The following DOCK2 variants were observed in gnomAD, a reference collection of about 807,000 sequenced individuals.
The protein encoded by DOCK2 is dedicator of cytokinesis protein 2.
A neutral mutation model predicts 248.9 loss-of-function variants in DOCK2; 87 were observed. The ratio of observed to expected loss-of-function variants is 0.35; its 90% CI spans 0.29 to 0.42. The LOEUF (loss-of-function observed/expected upper bound fraction) is 0.42. DOCK2 is among the 10% of genes least tolerant of loss of function. The pLI is 1.00. For missense variants in DOCK2, 1,747 were observed against 2,300.2 expected (o/e 0.76, Z 4.92); for synonymous variants, 805 against 821.6 (o/e 0.98, Z 0.35).
At chr5:169,915,367 C>T (rs1456588997) in intron 27 of DOCK2, among the ~76,000 whole-genome samples, 1 of 152,016 alleles carries the variant, frequency 6.6e-6, no homozygotes, top group African/African-American at 2.4e-5. Flanking sequence ...TAATTGCAGG[C>T]TTATTGTGTT....
intron 27 of DOCK2, among the ~76,000 whole-genome samples, chr5:169,880,965 T>C (rs998297741): frequency 1.2e-4 from 18 of 152,166 alleles, no homozygotes; most frequent in African/African-American, 4.3e-4. Flanking sequence ...GAAGAGGCAG[T>C]GTGGTGGAAT....
intron 27 of DOCK2, among the ~76,000 whole-genome samples, chr5:169,929,083 A>T (rs1294561727): frequency 6.6e-6 from 1 of 152,210 alleles, no homozygotes; most frequent in Non-Finnish European, 1.5e-5. Flanking sequence ...GGCCAGGTAG[A>T]CTGAAGTTCT....
At chr5:169,784,820 C>CT (rs1457201691) in intron 25 of DOCK2, among the ~76,000 whole-genome samples, 2 of 152,258 alleles carry the variant, frequency 1.3e-5, no homozygotes, top group East Asian at 3.9e-4. Flanking sequence ...TCAAAATAAA[C>CT]TTAAGCAGAT....
chr5:169,687,128 C>A (rs1031329490), intron 8 of DOCK2, among the ~76,000 whole-genome samples: 21 of 152,048 alleles, frequency 1.4e-4, no homozygotes, highest in Non-Finnish European at 2.9e-4. Flanking sequence ...CAAGCTGGGT[C>A]ACTGAGGGGC....
chr5:169,953,432 G>A (rs1457024772), intron 27 of DOCK2, among the ~76,000 whole-genome samples: 1 of 152,022 alleles, frequency 6.6e-6, no homozygotes, highest in Admixed American at 6.6e-5. Context: ...TTATGTGACT[G>A]TGGGCAAATT....
At chr5:169,748,262 A>G (rs892342514) in intron 23 of DOCK2, among the ~76,000 whole-genome samples, 1 of 152,094 alleles carries the variant, frequency 6.6e-6, no homozygotes. Context: ...TTAATGACGT[A>G]CTAGTGTTTA....
At chr5:169,931,353 G>A (rs1482675777) in intron 27 of DOCK2, among the ~76,000 whole-genome samples, 3 of 152,182 alleles carry the variant, frequency 2.0e-5, no homozygotes, top group Admixed American at 6.5e-5. Flanking sequence ...AAACACCAGC[G>A]TCTCTCAAAG....
Position 170,050,386 on chromosome 5 carries a change from C to T in DOCK2, c.4202C>T (p.Ala1401Val). Residue 1401 changes from alanine to valine, a missense_variant, in exon 41 of 52, where the codon GCC becomes GTC. This residue lies in a region of DOCK2 where 513 missense variants were observed against 586.1 expected (regional missense o/e 0.88). Transcript: ENST00000520908. ...GCCCCGGGAGATGATGTGAAGAATG[C>T]CCCAGGCCAGTGTATCCTTGGAGAA... ...TSAPGDDVKN[A>V]PGQYIQCFTV... The T allele has an allele frequency of 1.2e-6, 2 of 1,613,918 alleles. No homozygotes were observed. Among genetic ancestry groups the T allele is most frequent in the South Asian group, 1.1e-5 (1 of 91,046 alleles).
intron 44 of DOCK2, among the ~76,000 whole-genome samples, chr5:170,059,543 T>A (rs907231815): frequency 2.6e-5 from 4 of 152,146 alleles, no homozygotes; most frequent in Admixed American, 6.5e-5. Context: ...AAAGCACTTA[T>A]CTCCTAATAG....
intron 10 of DOCK2, among the ~76,000 whole-genome samples, chr5:169,696,992 G>A (rs1023935344): frequency 6.6e-6 from 1 of 151,924 alleles, no homozygotes; most frequent in African/African-American, 2.4e-5. Context: ...TACTTGTGGG[G>A]GCATTTCTGA....
Position 170,069,042 on chromosome 5 carries a change from C to T in DOCK2, c.4645-95C>T, listed in dbSNP as rs1757590362. 4 of 1,081,254 alleles carry T rather than the reference C, an allele frequency of 3.7e-6. No homozygotes were observed. In the South Asian group the frequency reaches 5.6e-5, roughly 15 times the overall value. 67.0% of individuals were successfully genotyped at this position (1,081,254 alleles called of 1,614,324 possible). A position where few individuals can be genotyped will look rare whatever the true frequency, so the allele number is the denominator to read the frequency against. The stretch of plus-strand genomic sequence containing the variant: ...CCACATGCCTGTGACCTCATCCTTG[C>T]CCCTTTCAAATTGAATCTTCTCCCA... On this transcript the variant is annotated intron_variant, in intron 45 of 51. Coordinates refer to ENST00000520908, the MANE Select transcript of DOCK2 (RefSeq NM_004946.3).
At chr5:169,861,985 C>T (rs1412222399) in intron 27 of DOCK2, among the ~76,000 whole-genome samples, 1 of 148,268 alleles carries the variant, frequency 6.7e-6, no homozygotes, top group African/African-American at 2.5e-5. Flanking sequence ...ATTTTCTAGT[C>T]CCAGTTTTAT....
intron 51 of DOCK2, 86 bp downstream of exon 51, chr5:170,082,070 G>C (rs1210839744): frequency 2.6e-6 from 4 of 1,547,874 alleles, no homozygotes; most frequent in Non-Finnish European, 3.5e-6. Flanking sequence ...ATGGGGGGTT[G>C]TGTGTGCATA....
At chr5:169,692,009 C>T (rs1324921174) in intron 9 of DOCK2, among the ~76,000 whole-genome samples, 2 of 152,000 alleles carry the variant, frequency 1.3e-5, no homozygotes, top group Non-Finnish European at 2.9e-5. Flanking sequence ...GTACATGCTA[C>T]CACGCCCCAC....
intron 2 of DOCK2, among the ~76,000 whole-genome samples, chr5:169,657,013 C>T (rs894000419): frequency 1.1e-4 from 16 of 152,224 alleles, no homozygotes; most frequent in African/African-American, 3.9e-4. Context: ...TGGATATATT[C>T]ATTGGTAAAT....
chr5:169,912,230 A>T (rs1485543397), intron 27 of DOCK2, among the ~76,000 whole-genome samples: 1 of 151,204 alleles, frequency 6.6e-6, no homozygotes, highest in African/African-American at 2.4e-5. Context: ...TTATTATTTT[A>T]TTTATTTATT....
chr5:169,932,518 G>A (rs17071888), intron 27 of DOCK2, among the ~76,000 whole-genome samples: 13,794 of 152,204 alleles, frequency 0.091, 925 homozygotes, highest in African/African-American at 0.19. Flanking sequence ...GGAGCCTCAG[G>A]AACAATCTGC....
chr5:169,760,708 G>A (rs969543153), intron 24 of DOCK2, among the ~76,000 whole-genome samples: 3 of 152,120 alleles, frequency 2.0e-5, no homozygotes, highest in African/African-American at 4.8e-5. Flanking sequence ...TGCATACATC[G>A]CTGTGTATTG....
At chr5:169,817,454 A>G (rs772291062) in intron 26 of DOCK2, among the ~76,000 whole-genome samples, 8 of 152,200 alleles carry the variant, frequency 5.3e-5, no homozygotes, top group Non-Finnish European at 1.0e-4. Flanking sequence ...CTCTTATTAG[A>G]AACTAACTTC....
Sources: gnomAD v4.1 joint callset for allele counts (sites outside exome capture counted in the v4.1 genomes callset) on GRCh38, gnomAD v4.1.1 for gene constraint, gnomAD v4.1.1 regional missense constraint, MANE v1.5 for transcripts, NCBI Gene and HGNC (gene_info 2026-07-23, HGNC 2026-07-21) for gene names.